ZNF385D: variants seen among roughly 807,000 people sequenced by gnomAD.
ZNF385D encodes zinc finger protein 659.
A neutral mutation model predicts 35.8 loss-of-function variants in ZNF385D; 15 were observed. That is an observed-to-expected ratio of 0.42 (90% confidence interval 0.28 to 0.64). The LOEUF is 0.64. Among genes scored for constraint, ZNF385D ranks in the 30% least tolerant of loss-of-function variants. ZNF385D has a pLI of 0.23. For missense variants in ZNF385D, 474 were observed against 494.6 expected (o/e 0.96, Z 0.39); for synonymous variants, 212 against 186.8 (o/e 1.13, Z -1.10).
chr3:21,685,473 A>C (rs1023150734), intron 1 of ZNF385D, among the ~76,000 whole-genome samples: 2 of 152,184 alleles, frequency 1.3e-5, no homozygotes, highest in African/African-American at 4.8e-5. Flanking sequence ...TCTCTTTTTT[A>C]CATCTACATC....
rs1695366697 is a variant in ZNF385D at position 22,340,361 on chromosome 3, G to A, written c.106+32089C>T. 3.9e-5 allele frequency among the ~76,000 whole-genome samples: 6 copies of A among 152,030 alleles called. No individual in the cohort carries two copies. The South Asian group carries it at 1.2e-3, about 31-fold the overall frequency. ...TCACTAATCAAACAAAAAATAAGAAGTGAGGTGGGCGTGGTGGCTCACACC... is the reference window on the plus strand; with the variant it reads ...TCACTAATCAAACAAAAAATAAGAAATGAGGTGGGCGTGGTGGCTCACACC... On this transcript the variant is annotated intron_variant, in intron 2 of 5. Transcript: ENST00000494108.
intron 2 of ZNF385D, among the ~76,000 whole-genome samples, chr3:22,206,190 A>T (rs1337584825): frequency 6.6e-6 from 1 of 152,072 alleles, no homozygotes; most frequent in Non-Finnish European, 1.5e-5. Flanking sequence ...CAAAGAGGTC[A>T]TTATACAATG....
At chr3:21,506,382 T>C (rs1280237368) in intron 4 of ZNF385D, among the ~76,000 whole-genome samples, 3 of 152,090 alleles carry the variant, frequency 2.0e-5, no homozygotes, top group Admixed American at 1.3e-4. Flanking sequence ...GCCACTAGGA[T>C]TTTAGAGGTT....
intron 1 of ZNF385D, among the ~76,000 whole-genome samples, chr3:21,726,156 T>A (rs2068755605): frequency 6.6e-6 from 1 of 152,102 alleles, no homozygotes; most frequent in African/African-American, 2.4e-5. Context: ...CTCAATAAAC[T>A]AGATATCGAT....
At chr3:21,877,922 G>A (rs1698068483) in intron 3 of ZNF385D, 1 of 151,846 alleles carries the variant, frequency 6.6e-6, no homozygotes, top group African/African-American at 2.4e-5. Context: ...TTTATGTGTT[G>A]ATATACTATT....
At chr3:22,263,955 G>A (rs1400660382) in intron 2 of ZNF385D, among the ~76,000 whole-genome samples, 4 of 151,906 alleles carry the variant, frequency 2.6e-5, no homozygotes, top group Admixed American at 1.3e-4. Context: ...AATTATAAGA[G>A]AAGGAATATT....
chr3:22,125,709 T>C (rs1332111208), intron 3 of ZNF385D, among the ~76,000 whole-genome samples: 1 of 152,148 alleles, frequency 6.6e-6, no homozygotes, highest in African/African-American at 2.4e-5. Flanking sequence ...ATATTCTTGA[T>C]TTATCAAATT....
rs569305463 is a variant in ZNF385D at position 22,307,782 on chromosome 3, C to G, written c.106+64668G>C. Among the ~76,000 whole-genome samples, 7 of 150,882 alleles carry G rather than the reference C, an allele frequency of 4.6e-5. No individual in the cohort carries two copies. In the South Asian group the frequency reaches 1.5e-3, roughly 32 times the overall value. On this transcript the variant is annotated intron_variant, in intron 2 of 5. Transcript: ENST00000494108. ...AAAAAACTTTCTTTCTTAGGGTAAT[C>G]TTAAATACAGAAAATGTAAGGCAAA...
intron 3 of ZNF385D, among the ~76,000 whole-genome samples, chr3:21,828,795 G>C (rs905306546): frequency 6.6e-6 from 1 of 152,182 alleles, no homozygotes; most frequent in Non-Finnish European, 1.5e-5. Flanking sequence ...GGCAAGGCTG[G>C]TTTTTCTGTA....
chr3:22,327,204 A>C (rs970260462), intron 2 of ZNF385D, among the ~76,000 whole-genome samples: 6 of 152,210 alleles, frequency 3.9e-5, no homozygotes, highest in Non-Finnish European at 5.9e-5. Flanking sequence ...TGGGCCATAA[A>C]AATCCATTCG....
chr3:22,204,253 C>G (rs756800869), intron 2 of ZNF385D, among the ~76,000 whole-genome samples: 3 of 152,084 alleles, frequency 2.0e-5, no homozygotes, highest in Non-Finnish European at 4.4e-5. Flanking sequence ...CAAGACAGTA[C>G]CTCAACCAGT....
At chr3:21,895,155 A>G (rs913523558) in intron 3 of ZNF385D, among the ~76,000 whole-genome samples, 2 of 152,002 alleles carry the variant, frequency 1.3e-5, no homozygotes, top group Non-Finnish European at 2.9e-5. Flanking sequence ...GTTGGTATAT[A>G]TGGAAAATGA....
chr3:21,813,108 T>G (rs2073003820), intron 3 of ZNF385D, among the ~76,000 whole-genome samples: 2 of 152,134 alleles, frequency 1.3e-5, no homozygotes, highest in African/African-American at 4.8e-5. Context: ...TCCAGCATAC[T>G]CCAACAGACC....
chr3:22,142,101 G>A (rs1409885734), intron 3 of ZNF385D, among the ~76,000 whole-genome samples: 1 of 152,180 alleles, frequency 6.6e-6, no homozygotes, highest in African/African-American at 2.4e-5. Flanking sequence ...CAAAGAGCTT[G>A]AAAGAACCTT....
chr3:21,751,211 G>A (rs1429633348), upstream of ZNF385D: 1 of 1,325,452 alleles, frequency 7.5e-7, no homozygotes, highest in East Asian at 3.3e-5. Context: ...CATCAGGACT[G>A]AGAGTACTAC....
intron 2 of ZNF385D, among the ~76,000 whole-genome samples, chr3:21,618,755 T>C (rs1175562469): frequency 6.6e-6 from 1 of 152,132 alleles, no homozygotes; most frequent in African/African-American, 2.4e-5. Context: ...CTACCCAACA[T>C]AAAGCAATAC....
At chr3:22,265,099 G>T (rs998442272) in intron 2 of ZNF385D, among the ~76,000 whole-genome samples, 1 of 151,942 alleles carries the variant, frequency 6.6e-6, no homozygotes, top group African/African-American at 2.4e-5. Context: ...GAGCAAAGGA[G>T]ATCTGCCCCA....
intron 3 of ZNF385D, among the ~76,000 whole-genome samples, chr3:22,016,761 G>A (rs1252372705): frequency 6.7e-6 from 1 of 149,970 alleles, no homozygotes; most frequent in East Asian, 1.9e-4. Flanking sequence ...TTAAAGCACT[G>A]AAGTTTTGGG....
chr3:22,217,880 G>C (rs964064123), intron 2 of ZNF385D, among the ~76,000 whole-genome samples: 1 of 152,058 alleles, frequency 6.6e-6, no homozygotes, highest in Non-Finnish European at 1.5e-5. Context: ...TCTCCAACTT[G>C]CAGGAAAGGG....
Sources: allele counts gnomAD v4.1 joint callset (sites outside exome capture counted in the v4.1 genomes callset), GRCh38; gene constraint gnomAD v4.1.1; transcripts MANE v1.5; gene names NCBI Gene and HGNC (gene_info 2026-07-23, HGNC 2026-07-21).